The following TRMT10B variants were observed in gnomAD, a reference collection of about 807,000 sequenced individuals.
The protein encoded by TRMT10B is tRNA methyltransferase 10 homolog B.
Under a neutral mutation model 43.8 loss-of-function variants are expected in TRMT10B, and 33 were observed. That is an observed-to-expected ratio of 0.75 (90% CI 0.57 to 1.01). The LOEUF (loss-of-function observed/expected upper bound fraction) is 1.01, where lower values mean the gene tolerates loss of function less well. Among genes scored for constraint, TRMT10B ranks in the 50% least tolerant of loss-of-function variants. TRMT10B has a pLI of 0.00. For missense variants in TRMT10B, 362 were observed against 369.8 expected (o/e 0.98, Z 0.17); for synonymous variants, 137 against 130.6 (o/e 1.05, Z -0.34).
chr9:37,760,564 G>C (rs1260662321), intron 1 of TRMT10B, among the ~76,000 whole-genome samples: 1 of 152,130 alleles, frequency 6.6e-6, no homozygotes, highest in African/African-American at 2.4e-5. Context: ...GAATTCTTAT[G>C]TTTCATAGGG....
intron 7 of TRMT10B, 91 bp downstream of exon 7, chr9:37,770,830 C>A: frequency 7.5e-7 from 1 of 1,336,988 alleles, no homozygotes; most frequent in Non-Finnish European, 1.0e-6. Flanking sequence ...TCTAGAGGGT[C>A]TAAGAACTCA....
intron 4 of TRMT10B, 133 bp from the exon 5 acceptor site, chr9:37,767,943 A>G: frequency 1.2e-6 from 1 of 841,682 alleles, no homozygotes; most frequent in Non-Finnish European, 1.9e-6. Context: ...GGTATAATAC[A>G]CGCACACATG....
intron 1 of TRMT10B, among the ~76,000 whole-genome samples, chr9:37,759,331 T>A (rs893709481): frequency 6.6e-6 from 1 of 152,090 alleles, no homozygotes; most frequent in Non-Finnish European, 1.5e-5. Context: ...CAGCAACATG[T>A]ATAAGTCTCA....
intron 8 of TRMT10B, 113 bp downstream of exon 8, chr9:37,776,518 T>C: frequency 3.1e-6 from 4 of 1,301,180 alleles, no homozygotes; most frequent in Middle Eastern, 2.1e-4. Context: ...GTGTGGACTT[T>C]ATTGCATGTA....
At chr9:37,771,827 T>G (rs1275043723) in intron 7 of TRMT10B, among the ~76,000 whole-genome samples, 3 of 152,078 alleles carry the variant, frequency 2.0e-5, no homozygotes, top group Non-Finnish European at 4.4e-5. Flanking sequence ...GTATCACCCA[T>G]ACAGGTACAA....
intron 7 of TRMT10B, among the ~76,000 whole-genome samples, chr9:37,775,542 T>C (rs974274216): frequency 6.6e-6 from 1 of 152,150 alleles, no homozygotes; most frequent in Non-Finnish European, 1.5e-5. Context: ...CGCCCTTTTA[T>C]ATTTTTGAGA....
At chr9:37,755,840 AAC>A (rs1471375964) in intron 1 of TRMT10B, among the ~76,000 whole-genome samples, 1 of 152,190 alleles carries the variant, frequency 6.6e-6, no homozygotes, top group East Asian at 1.9e-4. Context: ...ACAAAAAATA[AAC>A]ACTGCTGTTT....
upstream of TRMT10B, among the ~76,000 whole-genome samples, chr9:37,753,312 A>G (rs1825157441): frequency 6.6e-6 from 1 of 152,232 alleles, no homozygotes; most frequent in African/African-American, 2.4e-5. Flanking sequence ...TTGATATTTT[A>G]GTTCTACAAA....
In TRMT10B at chr9:37,769,308, TAAAAAAAAAAA is replaced by T. The variant is rs57651814; in HGVS notation, c.574-610_574-600del. On this transcript the variant is annotated intron_variant, in intron 5 of 8. Coordinates refer to ENST00000297994, the MANE Select transcript of TRMT10B (RefSeq NM_144964.4). ...GGGTGACAGAGCCAGACCCTGTCTT[TAAAAAAAAAAA>T]AAAAAAAAAAAAAAAAAAAAAATCT... Among the ~76,000 whole-genome samples the T allele has an allele frequency of 7.1e-3, 430 of 60,750 alleles. 4 individuals are homozygous for T. Among genetic ancestry groups the T allele is most frequent in the African/African-American group, 0.025 (333 of 13,356 alleles). 39.9% of individuals were successfully genotyped at this position (60,750 alleles called of 152,430 possible).
chr9:37,777,956 G>T lies in TRMT10B; in HGVS notation c.*249G>T. On this transcript the variant is annotated 3_prime_UTR_variant, in exon 9 of 9. Transcript: ENST00000297994. ...GGAGGCGAAGGTTGCAGTGAGCCGA[G>T]ATTTCACCAGTGCACTCCAGCCTGG... 1 of 346,988 alleles carries T rather than the reference G, an allele frequency of 2.9e-6. No individual in the cohort carries two copies. Among genetic ancestry groups the T allele is most frequent in the South Asian group, 2.8e-5 (1 of 36,182 alleles). The allele number at this position is 346,988 out of a possible 1,614,324, so 21.5% of individuals were successfully genotyped here.
chr9:37,770,492 AAC>A (rs1337638331), intron 6 of TRMT10B, among the ~76,000 whole-genome samples, 178 bp from the exon 7 acceptor site: 5 of 152,212 alleles, frequency 3.3e-5, no homozygotes, highest in African/African-American at 1.2e-4. Flanking sequence ...TAGCTATGCC[AAC>A]AGTTTGTCTG....
At chr9:37,774,601 T>C (rs999976751) in intron 7 of TRMT10B, among the ~76,000 whole-genome samples, 5 of 152,240 alleles carry the variant, frequency 3.3e-5, no homozygotes, top group Non-Finnish European at 7.3e-5. Flanking sequence ...TTGAATTCTG[T>C]ACTTCAAAGT....
At position 37,755,268 on chromosome 9, in the gene TRMT10B, C is replaced by CTTT. The variant is rs61444533; in HGVS notation, c.-30+1435_-30+1437dup. 3.2e-3 allele frequency among the ~76,000 whole-genome samples: 399 copies of CTTT among 124,432 alleles called. 4 individuals are homozygous for CTTT. The highest frequency in any genetic ancestry group is 0.01 in the African/African-American group (356 of 34,356). The allele number at this position is 124,432 out of a possible 152,430, so 81.6% of individuals were successfully genotyped here. A position where few individuals can be genotyped will look rare whatever the true frequency, so the allele number is the denominator to read the frequency against. On this transcript the variant is annotated intron_variant, in intron 1 of 8. Coordinates refer to ENST00000297994, the MANE Select transcript of TRMT10B (RefSeq NM_144964.4). ...CCTGGGCGACAGAGTAAGACTCCGT[C>CTTT]TTTTTTTTTTTTTTTTTTTTTAAAG...
intron 4 of TRMT10B, 200 bp downstream of exon 4, chr9:37,763,953 T>G: frequency 1.9e-6 from 2 of 1,061,062 alleles, no homozygotes; most frequent in Non-Finnish European, 2.6e-6. Context: ...TAGTTTGGTT[T>G]AGTTTGCAAA....
rs754959639 is a variant in TRMT10B at position 37,776,323 on chromosome 9, C to T, written c.762C>T (p.Thr254=). 4.6e-5 allele frequency: 74 copies of T among 1,610,574 alleles called. No individual in the cohort carries two copies. Among genetic ancestry groups the T allele is most frequent in the Middle Eastern group, 1.6e-4 (1 of 6,076 alleles). ...FQKAREYSVK[T]ARLPIQEYMV... is the part of the protein sequence containing the mutation. ...AGGCCCGGGAATACTCTGTCAAGAC[C>T]GCACGCTTGCCAATCCAGGAATACA... Residue 254 remains threonine, a synonymous_variant, in exon 8 of 9, where the codon ACC becomes ACT. Coordinates refer to ENST00000297994, the MANE Select transcript of TRMT10B (RefSeq NM_144964.4).
chr9:37,768,795 G>A (rs951554289), intron 5 of TRMT10B, among the ~76,000 whole-genome samples: 31 of 152,194 alleles, frequency 2.0e-4, no homozygotes, highest in South Asian at 2.1e-4. Flanking sequence ...GGTGCATTGC[G>A]CGGGGCTGCA....
At chr9:37,776,983 C>T (rs1202800388) in intron 8 of TRMT10B, among the ~76,000 whole-genome samples, 9 of 150,976 alleles carry the variant, frequency 6.0e-5, no homozygotes, top group South Asian at 2.1e-4. Flanking sequence ...CACCTGAGGT[C>T]GGGAGGTCGA....
chr9:37,754,634 G>A (rs1285796077), intron 1 of TRMT10B, among the ~76,000 whole-genome samples: 1 of 152,094 alleles, frequency 6.6e-6, no homozygotes, highest in East Asian at 1.9e-4. Context: ...GAAACAGGTA[G>A]ACAGCTGTCA....
At chr9:37,776,554 A>G (rs986755155) in intron 8 of TRMT10B, 149 bp downstream of exon 8, 7 of 988,632 alleles carry the variant, frequency 7.1e-6, no homozygotes, top group Non-Finnish European at 9.7e-6. Flanking sequence ...TCTGGCCACT[A>G]AGAGGCATTC....
Sources: gnomAD v4.1 joint callset for allele counts (sites outside exome capture counted in the v4.1 genomes callset) on GRCh38, gnomAD v4.1.1 for gene constraint, MANE v1.5 for transcripts, NCBI Gene and HGNC (gene_info 2026-07-23, HGNC 2026-07-21) for gene names.